GIGYF2: variants seen among roughly 807,000 people sequenced by gnomAD.
GIGYF2 encodes GRB10 interacting GYF protein 2, also known as GRB10-interacting GYF protein 2.
In GIGYF2, 25 loss-of-function variants were observed where a neutral mutation model predicts 208.1. That is an observed-to-expected ratio of 0.12 (90% CI 0.09 to 0.17). The LOEUF (loss-of-function observed/expected upper bound fraction) is 0.17, where lower values mean the gene tolerates loss of function less well. Ranked by LOEUF, GIGYF2 falls within the 10% of genes least tolerant of loss-of-function variation. GIGYF2 has a pLI of 1.00. For missense variants in GIGYF2, 1,302 were observed against 1,579.4 expected, an observed-to-expected ratio of 0.82 and a Z score of 2.98; for synonymous variants, 534 against 543.8, an observed-to-expected ratio of 0.98 and a Z score of 0.25.
At chr2:232,765,201 T>G (rs1698906195) in intron 8 of GIGYF2, 1 of 152,194 alleles carries the variant, frequency 6.6e-6, no homozygotes, top group Non-Finnish European at 1.5e-5. Context: ...CCACTTTTGT[T>G]GACGATAATG....
At chr2:232,711,796 A>G (rs1696425502) in intron 2 of GIGYF2, among the ~76,000 whole-genome samples, 1 of 149,572 alleles carries the variant, frequency 6.7e-6, no homozygotes, top group South Asian at 2.1e-4. Flanking sequence ...CTAAAATTCA[A>G]CCAGCAGTGT....
At chr2:232,845,652 G>A (rs541757318) in intron 25 of GIGYF2, 80 bp from the exon 26 acceptor site, 2 of 1,250,636 alleles carry the variant, frequency 1.6e-6, no homozygotes, top group African/African-American at 2.9e-5. Flanking sequence ...GTATTGCCAA[G>A]ACATTATTTA....
rs774910743 is a variant in GIGYF2, at chr2:232,760,605, C to T, written c.491+14C>T. On this transcript the variant is annotated intron_variant, in intron 7 of 28. Coordinates refer to ENST00000373563, the MANE Select transcript of GIGYF2 (RefSeq NM_001103146.3). The stretch of plus-strand genomic sequence containing the variant: ...CTGGGAGGAAAGGTAACTGGATCCA[C>T]ATATTGGCATAAAAATTTCTTGGCA... The T allele has an allele frequency of 6.0e-6, 9 of 1,510,340 alleles. No homozygotes were observed. The highest frequency in any genetic ancestry group is 6.4e-6 in the Non-Finnish European group (7 of 1,085,970). The allele number at this position is 1,510,340 out of a possible 1,614,324, so 93.6% of individuals were successfully genotyped here.
At chr2:232,724,791 A>G (rs555615919) in intron 2 of GIGYF2, 2 of 152,036 alleles carry the variant, frequency 1.3e-5, no homozygotes, top group Non-Finnish European at 2.9e-5. Context: ...GACCTCGAGT[A>G]ATCCTCCTGC....
intron 9 of GIGYF2, among the ~76,000 whole-genome samples, chr2:232,787,533 A>AT (rs148236449): frequency 0.1 from 15,832 of 152,158 alleles, 1,095 homozygotes; most frequent in East Asian, 0.2. Flanking sequence ...TCACTTTTCT[A>AT]TTTTTCTGGG....
chr2:232,823,620 G>T (rs1320565497), intron 21 of GIGYF2, among the ~76,000 whole-genome samples: 2 of 152,028 alleles, frequency 1.3e-5, no homozygotes, highest in African/African-American at 2.4e-5. Context: ...CTCCCAAAGT[G>T]GTGGGATTAC....
chr2:232,846,220 C>T (rs1410667742), intron 26 of GIGYF2, among the ~76,000 whole-genome samples: 1 of 152,140 alleles, frequency 6.6e-6, no homozygotes, highest in Non-Finnish European at 1.5e-5. Context: ...AACTCTCATG[C>T]TGGGGACAAA....
intron 3 of GIGYF2, chr2:232,736,381 G>A (rs1350201894): frequency 4.8e-6 from 1 of 208,262 alleles, no homozygotes; most frequent in Non-Finnish European, 8.4e-6. Context: ...AAATACCTTG[G>A]TGTATCTTTC....
chr2:232,747,932 A>AT (rs1698209315), intron 4 of GIGYF2, among the ~76,000 whole-genome samples, 188 bp downstream of exon 4: 2 of 152,160 alleles, frequency 1.3e-5, no homozygotes, highest in African/African-American at 4.8e-5. Flanking sequence ...CACACACTAT[A>AT]TTTTAGGCAG....
intron 18 of GIGYF2, among the ~76,000 whole-genome samples, chr2:232,814,688 A>G (rs897238827): frequency 6.6e-6 from 1 of 152,050 alleles, no homozygotes; most frequent in Non-Finnish European, 1.5e-5. Context: ...AAATATTTCA[A>G]AATCTGAAAA....
intron 8 of GIGYF2, chr2:232,776,641 T>C: frequency 1.6e-6 from 1 of 607,516 alleles, no homozygotes; most frequent in South Asian, 2.0e-5. Context: ...GATTGGTCAC[T>C]TAGCCTGCAG....
rs1356252566 is a variant in GIGYF2, at chr2:232,857,920, T to G, written c.*1060T>G. 1 of 152,742 alleles carries G rather than the reference T, an allele frequency of 6.5e-6. No individual in the cohort carries two copies. 9.5% of individuals were successfully genotyped at this position (152,742 alleles called of 1,614,324 possible). A position where few individuals can be genotyped will look rare whatever the true frequency, so the allele number is the denominator to read the frequency against. ...TTCTGGGATGGCAAGTTGTTTGCCT[T>G]TTCTGAAAAGAGAACATACAGAACC... is the stretch of plus-strand genomic sequence containing the variant. On this transcript the variant is annotated 3_prime_UTR_variant, in exon 29 of 29. Coordinates refer to ENST00000373563, the MANE Select transcript of GIGYF2 (RefSeq NM_001103146.3).
chr2:232,731,412 A>G (rs747180010), intron 2 of GIGYF2, among the ~76,000 whole-genome samples: 14 of 152,246 alleles, frequency 9.2e-5, no homozygotes, highest in Admixed American at 2.6e-4. Flanking sequence ...CCATTATTCA[A>G]TGCTCTAAAA....
chr2:232,846,966 C>CA (rs1318866022), intron 26 of GIGYF2, among the ~76,000 whole-genome samples: 1 of 152,168 alleles, frequency 6.6e-6, no homozygotes, highest in East Asian at 1.9e-4. Context: ...TTGAAAGTTC[C>CA]AGGAAGATAT....
chr2:232,748,926 T>G lies in GIGYF2; in HGVS notation c.172-61T>G, dbSNP rs536440627. 7.4e-6 allele frequency: 6 copies of G among 814,604 alleles called. No individual in the cohort carries two copies. The East Asian group carries it at 1.5e-4, about 20-fold the overall frequency. The allele number at this position is 814,604 out of a possible 1,614,324, so 50.5% of individuals were successfully genotyped here. On this transcript the variant is annotated intron_variant, in intron 4 of 28. Coordinates refer to ENST00000373563, the MANE Select transcript of GIGYF2 (RefSeq NM_001103146.3). ...AGTATTCTTTCTTGGATTTATCTTC[T>G]TGTATTTCTTCTTATTGCAGAAATA...
chr2:232,710,373 A>G (rs1696334532), intron 2 of GIGYF2, among the ~76,000 whole-genome samples: 1 of 152,196 alleles, frequency 6.6e-6, no homozygotes, highest in Non-Finnish European at 1.5e-5. Flanking sequence ...TACAGGTATC[A>G]GCTACCATAC....
In GIGYF2 at chr2:232,796,338, GC is replaced by G. The variant is rs1230894405; in HGVS notation, c.1639+118del. ...GAAAAAGAAGTCAACAAGCACACAC[GC>G]GCGCACACACGCAGACTAGAAGTGT... On this transcript the variant is annotated intron_variant, in intron 14 of 28. Transcript: ENST00000373563. 1.9e-5 allele frequency: 14 copies of G among 755,600 alleles called. No homozygotes were observed. In the East Asian group the frequency reaches 3.6e-4, roughly 20 times the overall value. The allele number at this position is 755,600 out of a possible 1,614,324, so 46.8% of individuals were successfully genotyped here.
chr2:232,827,994 T>C (rs1044560437), intron 21 of GIGYF2, among the ~76,000 whole-genome samples: 1 of 151,522 alleles, frequency 6.6e-6, no homozygotes, highest in Non-Finnish European at 1.5e-5. Flanking sequence ...TTCTTTTCTT[T>C]TTCTTTTTTT....
chr2:232,786,746 C>G (rs1384644299), intron 8 of GIGYF2, among the ~76,000 whole-genome samples: 1 of 152,056 alleles, frequency 6.6e-6, no homozygotes, highest in Non-Finnish European at 1.5e-5. Context: ...TTTATAACAT[C>G]CTGAGGGTGG....
Sources: allele counts gnomAD v4.1 joint callset (sites outside exome capture counted in the v4.1 genomes callset), GRCh38; gene constraint gnomAD v4.1.1; transcripts MANE v1.5; gene names NCBI Gene and HGNC (gene_info 2026-07-23, HGNC 2026-07-21).